Variants in EYS observed in about 807,000 individuals in gnomAD.
EYS encodes protein eyes shut homolog.
Under a neutral mutation model 282.1 loss-of-function variants are expected in EYS, and 250 were observed. That is an observed-to-expected ratio of 0.89 (90% confidence interval 0.80 to 0.98). EYS has a LOEUF of 0.98. EYS is among the 50% of genes least tolerant of loss of function. The probability of loss-of-function intolerance (pLI) is 0.00; values close to 1 mark genes in which losing one functional copy is unlikely to be tolerated. For synonymous variants in EYS, 1,355 were observed against 1,282.9 expected, an observed-to-expected ratio of 1.06 and a Z score of -1.20; for missense variants, 4,016 against 3,709.0, an observed-to-expected ratio of 1.08 and a Z score of -2.15.
At chr6:64,766,649 A>AAAAAAAAAAAAATATATATATAT (rs1387919586) in intron 22 of EYS, among the ~76,000 whole-genome samples, 1 of 19,066 alleles carries the variant, frequency 5.2e-5, no homozygotes, top group African/African-American at 1.8e-4. Flanking sequence ...AAAAAAAAAA[A>AAAAAAAAAAAAATATATATATAT]ATATATATAT....
At chr6:64,380,971 C>T (rs1582675730) in intron 29 of EYS, among the ~76,000 whole-genome samples, 1 of 149,466 alleles carries the variant, frequency 6.7e-6, no homozygotes, top group Admixed American at 6.7e-5. Context: ...GCCGAGAAAT[C>T]GTGCCACTGC....
At chr6:65,453,697 T>C (rs1350647646) in intron 5 of EYS, among the ~76,000 whole-genome samples, 1 of 152,012 alleles carries the variant, frequency 6.6e-6, no homozygotes, top group African/African-American at 2.4e-5. Flanking sequence ...CTACAGTCTC[T>C]GGTAACCATT....
chr6:65,498,911 T>A (rs745518783), intron 2 of EYS, among the ~76,000 whole-genome samples: 15 of 152,054 alleles, frequency 9.9e-5, no homozygotes, highest in Admixed American at 2.6e-4. Flanking sequence ...ACATATTGAT[T>A]AAAATCAGGA....
intron 35 of EYS, among the ~76,000 whole-genome samples, chr6:63,941,298 C>A (rs1191125919): frequency 6.6e-6 from 1 of 152,162 alleles, no homozygotes; most frequent in Non-Finnish European, 1.5e-5. Flanking sequence ...ACAGTCCCAC[C>A]AACAGTGTAA....
chr6:65,131,886 G>C (rs1025872594), intron 12 of EYS, among the ~76,000 whole-genome samples: 1 of 151,750 alleles, frequency 6.6e-6, no homozygotes, highest in South Asian at 2.1e-4. Flanking sequence ...CAAAGGAGTT[G>C]TTACCACTGA....
rs1006724295 is a variant in EYS, at chr6:64,150,880, G to C, written c.6425-68878C>G. On this transcript the variant is annotated intron_variant, in intron 31 of 42. Transcript: ENST00000503581. ...TATCAGATTGGCACAGCTTAGAAAGGCTTGATTACTTCAAATATTAACAAT... is the reference window on the plus strand; with the variant it reads ...TATCAGATTGGCACAGCTTAGAAAGCCTTGATTACTTCAAATATTAACAAT... 5.3e-5 allele frequency among the ~76,000 whole-genome samples: 8 copies of C among 151,974 alleles called. No individual in the cohort carries two copies. The East Asian group carries it at 1.2e-3, about 22-fold the overall frequency.
chr6:65,040,908 C>T (rs1772914980), intron 13 of EYS, among the ~76,000 whole-genome samples: 1 of 151,622 alleles, frequency 6.6e-6, no homozygotes, highest in South Asian at 2.1e-4. Flanking sequence ...CTAAGATGCT[C>T]AATAAGGAAA....
intron 5 of EYS, among the ~76,000 whole-genome samples, chr6:65,413,186 T>A (rs1403278224): frequency 1.3e-5 from 2 of 152,186 alleles, no homozygotes; most frequent in Non-Finnish European, 2.9e-5. Context: ...GATATCAGAC[T>A]TTTTCTTATG....
chr6:65,221,707 T>G (rs373633292), intron 12 of EYS, among the ~76,000 whole-genome samples: 2 of 152,170 alleles, frequency 1.3e-5, no homozygotes, highest in East Asian at 3.9e-4. Context: ...AAAGGGCCAC[T>G]GTCCTCTAGA....
chr6:64,480,832 C>T (rs1231395661), intron 26 of EYS, among the ~76,000 whole-genome samples: 1 of 151,632 alleles, frequency 6.6e-6, no homozygotes, highest in Non-Finnish European at 1.5e-5. Context: ...TAAGCTACAA[C>T]ATACATTTTA....
At chr6:64,961,786 G>A (rs960985422) in intron 14 of EYS, among the ~76,000 whole-genome samples, 1 of 151,926 alleles carries the variant, frequency 6.6e-6, no homozygotes, top group Non-Finnish European at 1.5e-5. Context: ...TCTGTTTTGA[G>A]CCCTTATGCT....
rs141544480 is a variant in EYS, at chr6:65,626,897, T to TA, written c.-333+12880dup. Among the ~76,000 whole-genome samples the TA allele has an allele frequency of 5.0e-3, 614 of 123,412 alleles. 5 individuals carry two copies. Among genetic ancestry groups the TA allele is most frequent in the South Asian group, 0.032 (138 of 4,296 alleles). 81.0% of individuals were successfully genotyped at this position (123,412 alleles called of 152,430 possible). A position where few individuals can be genotyped will look rare whatever the true frequency, so the allele number is the denominator to read the frequency against. ...GCTCAATGGAAATGGGCATATTATG[T>TA]AAAAAAAACACACACACACACACAC... On this transcript the variant is annotated intron_variant, in intron 2 of 42. Transcript: ENST00000503581.
intron 30 of EYS, among the ~76,000 whole-genome samples, chr6:64,306,049 C>T (rs752564975): frequency 6.6e-6 from 1 of 151,904 alleles, no homozygotes; most frequent in African/African-American, 2.4e-5. Context: ...CAATCCAATT[C>T]GAAAATGGAC....
chr6:64,110,458 C>A (rs1773169665), intron 31 of EYS, among the ~76,000 whole-genome samples: 1 of 151,798 alleles, frequency 6.6e-6, no homozygotes. Flanking sequence ...ATCAGAAGAT[C>A]AGTTTTGAAT....
At chr6:64,659,712 A>G (rs1220291046) in intron 22 of EYS, among the ~76,000 whole-genome samples, 11 of 152,180 alleles carry the variant, frequency 7.2e-5, no homozygotes, top group Non-Finnish European at 1.6e-4. Context: ...TGAATGGACC[A>G]ATAACAGGCT....
intron 5 of EYS, among the ~76,000 whole-genome samples, chr6:65,419,715 T>C (rs1299330878): frequency 6.6e-6 from 1 of 151,948 alleles, no homozygotes; most frequent in Non-Finnish European, 1.5e-5. Context: ...TAAAACATTA[T>C]TAACATTATA....
chr6:63,889,062 G>A (rs1773341539), intron 35 of EYS, among the ~76,000 whole-genome samples: 1 of 152,126 alleles, frequency 6.6e-6, no homozygotes, highest in African/African-American at 2.4e-5. Context: ...TCAGTTTAAT[G>A]AGATAAAGTG....
At chr6:65,624,940 CA>C (rs1265134263) in intron 2 of EYS, among the ~76,000 whole-genome samples, 2 of 152,178 alleles carry the variant, frequency 1.3e-5, no homozygotes, top group Non-Finnish European at 2.9e-5. Flanking sequence ...TCGTGTGAGT[CA>C]ATTCTCCTTA....
intron 18 of EYS, among the ~76,000 whole-genome samples, chr6:64,893,122 T>C (rs1767339959): frequency 6.6e-6 from 1 of 152,100 alleles, no homozygotes. Flanking sequence ...CTAAATGAAC[T>C]AGTAGCAATG....
Sources: allele counts gnomAD v4.1 joint callset (sites outside exome capture counted in the v4.1 genomes callset), GRCh38; gene constraint gnomAD v4.1.1; transcripts MANE v1.5; gene names NCBI Gene and HGNC (gene_info 2026-07-23, HGNC 2026-07-21).